NPSR1: variants seen among roughly 807,000 people sequenced by gnomAD.
NPSR1 encodes neuropeptide S receptor 1, also known as neuropeptide S receptor.
Under a neutral mutation model 46.9 loss-of-function variants are expected in NPSR1, and 48 were observed. The ratio of observed to expected loss-of-function variants is 1.02; its 90% CI spans 0.81 to 1.30. The LOEUF (loss-of-function observed/expected upper bound fraction) is 1.30. Among genes scored for constraint, NPSR1 ranks in the 50% most tolerant of loss-of-function variants. The pLI is 0.00. For missense variants in NPSR1, 450 were observed against 449.5 expected (o/e 1.00, Z -0.01); for synonymous variants, 176 against 168.1 (o/e 1.05, Z -0.36).
chr7:34,786,430 C>G (rs528884374), intron 3 of NPSR1, among the ~76,000 whole-genome samples: 1 of 152,128 alleles, frequency 6.6e-6, no homozygotes, highest in Non-Finnish European at 1.5e-5. Context: ...AAATCTTGAA[C>G]CCATCAAAGT....
intron 8 of NPSR1, among the ~76,000 whole-genome samples, chr7:34,862,894 A>G (rs1020912672): frequency 1.3e-5 from 2 of 151,740 alleles, no homozygotes; most frequent in Admixed American, 6.6e-5. Context: ...CACTGTAAAT[A>G]TAGACCATCA....
intron 3 of NPSR1, among the ~76,000 whole-genome samples, chr7:34,792,715 T>TTATATATATATGTATATATATATTTA (rs1787981008): frequency 1.8e-4 from 18 of 98,916 alleles, no homozygotes; most frequent in African/African-American, 5.8e-4. Flanking sequence ...ATATATATAT[T>TTATATATATATGTATATATATATTTA]TATATATATA....
At chr7:34,764,992 G>A (rs1416318259) in intron 2 of NPSR1, among the ~76,000 whole-genome samples, 1 of 152,134 alleles carries the variant, frequency 6.6e-6, no homozygotes, top group East Asian at 1.9e-4. Flanking sequence ...AGGCACAGCT[G>A]AAAGCAGAGA....
intron 1 of NPSR1, among the ~76,000 whole-genome samples, chr7:34,680,798 C>G (rs1266273735): frequency 1.3e-5 from 2 of 152,086 alleles, no homozygotes; most frequent in African/African-American, 2.4e-5. Context: ...AGCTGGAAAA[C>G]AGGCAGCACT....
chr7:34,772,577 G>A lies in NPSR1; in HGVS notation c.281-5885G>A, dbSNP rs1425478756. On this transcript the variant is annotated intron_variant, in intron 2 of 8. Coordinates refer to ENST00000360581, the MANE Select transcript of NPSR1 (RefSeq NM_207172.2). Reference sequence around the variant, plus strand: ...CAGCCCATGGGTAGTACAGAAAAGAGTCAATACTTGCCTTGTCTTTGTACA... The same window carrying A: ...CAGCCCATGGGTAGTACAGAAAAGAATCAATACTTGCCTTGTCTTTGTACA... 2.0e-5 allele frequency among the ~76,000 whole-genome samples: 3 copies of A among 152,138 alleles called. No individual in the cohort carries two copies. In the East Asian group the frequency reaches 5.8e-4, roughly 29 times the overall value.
At position 34,798,775 on chromosome 7, in the gene NPSR1, C is replaced by G. The variant is rs1443893060; in HGVS notation, c.385-12995C>G. 1.3e-5 allele frequency among the ~76,000 whole-genome samples: 2 copies of G among 152,098 alleles called. 1 individual carries two copies. Among genetic ancestry groups the G allele is most frequent in the African/African-American group, 4.8e-5 (2 of 41,426 alleles). On this transcript the variant is annotated intron_variant, in intron 3 of 8. Transcript: ENST00000360581. ...AAAAATAGAAATTACACAAAGTATA[C>G]TCTCAGAACACACAGAATAGAACTA...
downstream of NPSR1, among the ~76,000 whole-genome samples, chr7:34,853,389 T>C (rs1790980627): frequency 1.3e-5 from 2 of 152,240 alleles, no homozygotes; most frequent in Non-Finnish European, 2.9e-5. Context: ...TAGTGTCCCC[T>C]GAAGCTTTCC....
chr7:34,771,355 A>T (rs1352735654), intron 2 of NPSR1, among the ~76,000 whole-genome samples: 1 of 152,160 alleles, frequency 6.6e-6, no homozygotes, highest in African/African-American at 2.4e-5. Flanking sequence ...CAAGAGGATC[A>T]CTTGATCCTG....
chr7:34,827,630 C>CG (rs745318294), intron 5 of NPSR1, 28 bp downstream of exon 5: 123 of 210,880 alleles, frequency 5.8e-4, no homozygotes, highest in Middle Eastern at 1.5e-3. Flanking sequence ...CAGGACCACA[C>CG]GGGGGGGTGG....
chr7:34,788,784 A>T (rs1227662657), intron 3 of NPSR1, among the ~76,000 whole-genome samples: 1 of 152,124 alleles, frequency 6.6e-6, no homozygotes. Context: ...ATTGGATTTA[A>T]ACTACACTTT....
intron 2 of NPSR1, among the ~76,000 whole-genome samples, chr7:34,730,070 G>T (rs1407546211): frequency 6.6e-6 from 1 of 152,154 alleles, no homozygotes; most frequent in African/African-American, 2.4e-5. Context: ...CACCGTGCCT[G>T]GTCATGAATA....
intron 2 of NPSR1, chr7:34,750,261 G>T: frequency 1.5e-6 from 1 of 666,702 alleles, no homozygotes; most frequent in Admixed American, 1.9e-5. Context: ...CAGGATCTGT[G>T]CCTGCGAGCT....
At chr7:34,835,914 T>A (rs767638958) in intron 6 of NPSR1, among the ~76,000 whole-genome samples, 1 of 152,024 alleles carries the variant, frequency 6.6e-6, no homozygotes, top group Non-Finnish European at 1.5e-5. Flanking sequence ...CCATCTGGAG[T>A]GGGGCATGGA....
intron 4 of NPSR1, among the ~76,000 whole-genome samples, chr7:34,823,400 A>AAAAAG (rs1491155088): frequency 3.0e-5 from 2 of 66,300 alleles, no homozygotes; most frequent in African/African-American, 1.4e-4. Flanking sequence ...ACTTCACCAG[A>AAAAAG]AAAAAAAAAA....
At chr7:34,680,200 G>T (rs544358514) in intron 1 of NPSR1, among the ~76,000 whole-genome samples, 96 of 152,210 alleles carry the variant, frequency 6.3e-4, no homozygotes, top group Admixed American at 1.7e-3. Context: ...AAGTCGGAAA[G>T]AAAATTATTT....
At chr7:34,792,714 T>TTTATATATATATGTATATATATATA (rs1787979952) in intron 3 of NPSR1, among the ~76,000 whole-genome samples, 1 of 128,106 alleles carries the variant, frequency 7.8e-6, no homozygotes, top group African/African-American at 3.1e-5. Flanking sequence ...TATATATATA[T>TTTATATATATATGTATATATATATA]TTATATATAT....
chr7:34,827,570 C>G lies in NPSR1; in HGVS notation c.648C>G (p.Phe216Leu), dbSNP rs17170011. Residue 216 changes from phenylalanine (F) to leucine (L), a missense_variant, in exon 5 of 9, where the codon TTC becomes TTG. Transcript: ENST00000360581. ...CCCCATACATGACCATCGTGGCCTT[C>G]CTGGTGTACTTCATCCCTCTGACAA... is the stretch of plus-strand genomic sequence containing the variant. ...YWTPYMTIVA[F>L]LVYFIPLTII... 6.5e-7 allele frequency: 1 copy of G among 1,529,250 alleles called. No homozygotes were observed. Among genetic ancestry groups the G allele is most frequent in the Admixed American group, 1.8e-5 (1 of 56,446 alleles). The allele number at this position is 1,529,250 out of a possible 1,614,324, so 94.7% of individuals were successfully genotyped here.
At chr7:34,720,164 C>T (rs538222068) in intron 2 of NPSR1, among the ~76,000 whole-genome samples, 1 of 151,892 alleles carries the variant, frequency 6.6e-6, no homozygotes, top group African/African-American at 2.4e-5. Context: ...CCTGTAGTCC[C>T]AGGTACTGAA....
Position 34,843,589 on chromosome 7 carries a change from T to C in NPSR1, c.758-1307T>C, listed in dbSNP as rs374728716. ...AGAGTGTGTGATCTTTCATGCTGGATTGAAAATTCTTAGAGAACAAGTACT... is the reference window on the plus strand; with the variant it reads ...AGAGTGTGTGATCTTTCATGCTGGACTGAAAATTCTTAGAGAACAAGTACT... On this transcript the variant is annotated intron_variant, in intron 6 of 8. Transcript: ENST00000360581. Among the ~76,000 whole-genome samples the C allele has an allele frequency of 9.3e-4, 142 of 152,354 alleles. 1 individual carries two copies. The highest frequency in any genetic ancestry group is 3.2e-3 in the African/African-American group (132 of 41,578).
Sources: gnomAD v4.1 joint callset for allele counts (sites outside exome capture counted in the v4.1 genomes callset) on GRCh38, gnomAD v4.1.1 for gene constraint, MANE v1.5 for transcripts, NCBI Gene and HGNC (gene_info 2026-07-23, HGNC 2026-07-21) for gene names.